Variants in DLG2 observed in about 807,000 individuals in gnomAD.
DLG2 encodes the protein discs large MAGUK scaffold protein 2.
A neutral mutation model predicts 132.5 loss-of-function variants in DLG2; 45 were observed. The ratio of observed to expected loss-of-function variants is 0.34; its 90% CI spans 0.27 to 0.44. DLG2 has a LOEUF of 0.44. DLG2 is among the 20% of genes least tolerant of loss of function. The pLI, the probability that DLG2 is intolerant of heterozygous loss-of-function variation, is 1.00. For synonymous variants in DLG2, 424 were observed against 419.6 expected (o/e 1.01, Z -0.13); for missense variants, 1,045 against 1,196.9 (o/e 0.87, Z 1.87).
intron 6 of DLG2, among the ~76,000 whole-genome samples, chr11:84,562,175 CCT>C (rs144435351): frequency 0.062 from 9,423 of 152,086 alleles, 352 homozygotes; most frequent in South Asian, 0.097. Flanking sequence ...GGTTCAGTCC[CCT>C]GTCTATGAGA....
At chr11:84,669,926 G>C (rs757367248) in intron 6 of DLG2, among the ~76,000 whole-genome samples, 1 of 152,154 alleles carries the variant, frequency 6.6e-6, no homozygotes, top group African/African-American at 2.4e-5. Context: ...GGTAAGACAA[G>C]AGCCTTCCTT....
intron 16 of DLG2, among the ~76,000 whole-genome samples, chr11:83,839,663 A>G (rs1163742860): frequency 5.9e-5 from 9 of 152,238 alleles, no homozygotes; most frequent in Admixed American, 5.9e-4. Context: ...TATTTAAAGT[A>G]TAGTAGTATA....
At chr11:85,461,716 C>A (rs2092620883) in intron 3 of DLG2, among the ~76,000 whole-genome samples, 1 of 152,170 alleles carries the variant, frequency 6.6e-6, no homozygotes, top group Non-Finnish European at 1.5e-5. Flanking sequence ...CGGAAACTGA[C>A]AAAGGGAGAT....
At chr11:83,480,537 A>C (rs1184602174) in intron 22 of DLG2, 1 of 1,515,374 alleles carries the variant, frequency 6.6e-7, no homozygotes, top group African/African-American at 1.4e-5. Flanking sequence ...GCCGCAGAGG[A>C]GGCTGCATTA....
intron 3 of DLG2, among the ~76,000 whole-genome samples, chr11:85,468,561 C>T (rs771750708): frequency 6.6e-5 from 10 of 152,170 alleles, no homozygotes; most frequent in East Asian, 5.8e-4. Flanking sequence ...GCCTTCCTTT[C>T]GTTATGTACC....
intron 4 of DLG2, among the ~76,000 whole-genome samples, chr11:85,220,190 G>A (rs2074541395): frequency 6.6e-6 from 1 of 151,978 alleles, no homozygotes; most frequent in Non-Finnish European, 1.5e-5. Flanking sequence ...ATCAAATTTT[G>A]GTAACTTCAG....
At chr11:85,497,159 C>T (rs543863036) in intron 3 of DLG2, among the ~76,000 whole-genome samples, 1 of 151,758 alleles carries the variant, frequency 6.6e-6, no homozygotes, top group Admixed American at 6.6e-5. Context: ...TCTAACCCGT[C>T]GCAAGGAAGT....
chr11:85,535,641 A>G (rs150364058), intron 3 of DLG2, among the ~76,000 whole-genome samples: 64 of 152,350 alleles, frequency 4.2e-4, no homozygotes, highest in African/African-American at 1.5e-3. Context: ...ATATATGCCC[A>G]AGAGAAATGG....
chr11:85,364,137 T>G (rs2084363458), intron 3 of DLG2, among the ~76,000 whole-genome samples: 1 of 152,184 alleles, frequency 6.6e-6, no homozygotes, highest in Non-Finnish European at 1.5e-5. Context: ...CAGCTATGTT[T>G]CTACTTATAG....
rs1261178872 is a variant in DLG2 at position 84,316,116 on chromosome 11, A to G, written c.520-64825T>C. Among the ~76,000 whole-genome samples, 7 of 152,326 alleles carry G rather than the reference A, an allele frequency of 4.6e-5. No individual in the cohort carries two copies. In the South Asian group the frequency reaches 1.4e-3, roughly 32 times the overall value. On this transcript the variant is annotated intron_variant, in intron 7 of 27. Transcript: ENST00000376104. ...ATAAAATGATAGTAGTCTGGGGGCT[A>G]GAATAACCTAGGAATCAAATTAAAG...
chr11:85,519,667 TG>T (rs1262174754), intron 3 of DLG2, among the ~76,000 whole-genome samples: 1 of 152,188 alleles, frequency 6.6e-6, no homozygotes, highest in East Asian at 1.9e-4. Context: ...TGACTGGTTT[TG>T]AAATGTGAGG....
chr11:85,243,920 C>T (rs895491780), intron 4 of DLG2, among the ~76,000 whole-genome samples: 1 of 151,904 alleles, frequency 6.6e-6, no homozygotes, highest in African/African-American at 2.4e-5. Context: ...GGTCAATTTC[C>T]TAACCATTTT....
At chr11:84,909,563 A>G (rs779023646) in intron 6 of DLG2, among the ~76,000 whole-genome samples, 9 of 152,206 alleles carry the variant, frequency 5.9e-5, no homozygotes, top group Non-Finnish European at 1.3e-4. Flanking sequence ...ATCATTGAGT[A>G]CATTCTTTTC....
At position 83,850,214 on chromosome 11, in the gene DLG2, C is replaced by T. The variant is rs12280544; in HGVS notation, c.1566-16444G>A. ...TGTCTCCCAGGCTGGAGTGCAGTGG[C>T]GTGATCCCGGCTCACTGCAACCTCC... On this transcript the variant is annotated intron_variant, in intron 16 of 27. Transcript: ENST00000376104. 6.1e-3 allele frequency among the ~76,000 whole-genome samples: 918 copies of T among 149,594 alleles called. 6 individuals carry two copies. Among genetic ancestry groups the T allele is most frequent in the Non-Finnish European group, 0.01 (688 of 67,704 alleles).
At chr11:84,444,205 AC>A (rs2099025947) in intron 7 of DLG2, among the ~76,000 whole-genome samples, 1 of 151,892 alleles carries the variant, frequency 6.6e-6, no homozygotes, top group Non-Finnish European at 1.5e-5. Context: ...AACAACATAC[AC>A]TGGGGCCTAT....
intron 6 of DLG2, among the ~76,000 whole-genome samples, chr11:84,892,816 C>G (rs976658604): frequency 6.6e-6 from 1 of 152,038 alleles, no homozygotes; most frequent in Non-Finnish European, 1.5e-5. Context: ...CTTTCTCCCT[C>G]TTACCCTTTT....
chr11:83,800,695 T>C (rs1442433911), intron 17 of DLG2, among the ~76,000 whole-genome samples: 1 of 152,216 alleles, frequency 6.6e-6, no homozygotes, highest in Non-Finnish European at 1.5e-5. Context: ...AAAAATGTTT[T>C]GGATTACCAG....
chr11:85,583,114 GTGTGTGTGTGTGTGTGTATATATA>G (rs1271797984), intron 3 of DLG2, among the ~76,000 whole-genome samples: 5 of 54,826 alleles, frequency 9.1e-5, no homozygotes, highest in Admixed American at 4.1e-4. Flanking sequence ...GTGTGTGTGT[GTGTGTGTGTGTGTGTGTATATATA>G]TATATATATA....
chr11:84,527,597 T>TA (rs1364756427), intron 7 of DLG2, among the ~76,000 whole-genome samples: 1 of 152,170 alleles, frequency 6.6e-6, no homozygotes, highest in Non-Finnish European at 1.5e-5. Context: ...AGACACACAA[T>TA]AATATTTATC....
Sources: allele counts gnomAD v4.1 joint callset (sites outside exome capture counted in the v4.1 genomes callset), GRCh38; gene constraint gnomAD v4.1.1; transcripts MANE v1.5; gene names NCBI Gene and HGNC (gene_info 2026-07-23, HGNC 2026-07-21).